SLC39A10: variants seen among roughly 807,000 people sequenced by gnomAD.
The protein encoded by SLC39A10 is zinc transporter ZIP10.
Under a neutral mutation model 65.1 loss-of-function variants are expected in SLC39A10, and 13 were observed. That is an observed-to-expected ratio of 0.20 (90% CI 0.13 to 0.32). SLC39A10 has a LOEUF of 0.32. Ranked by LOEUF, SLC39A10 falls within the 10% of genes least tolerant of loss-of-function variation. The probability of loss-of-function intolerance (pLI) is 1.00; values close to 1 mark genes in which losing one functional copy is unlikely to be tolerated. For missense variants in SLC39A10, 831 were observed against 1,018.4 expected (o/e 0.82, Z 2.50); for synonymous variants, 321 against 342.2 (o/e 0.94, Z 0.68).
intron 2 of SLC39A10, among the ~76,000 whole-genome samples, chr2:195,650,741 T>C (rs904133140): frequency 1.3e-5 from 2 of 152,146 alleles, no homozygotes; most frequent in African/African-American, 4.8e-5. Context: ...AAACTCGGTT[T>C]TATTGCACAA....
At chr2:195,713,748 A>T (rs1691680976) in intron 6 of SLC39A10, among the ~76,000 whole-genome samples, 195 bp downstream of exon 6, 3 of 152,202 alleles carry the variant, frequency 2.0e-5, no homozygotes, top group African/African-American at 7.2e-5. Flanking sequence ...TTACTGATAG[A>T]TGCAAAGCCA....
At chr2:195,662,429 C>T (rs1215365619) in intron 1 of SLC39A10, among the ~76,000 whole-genome samples, 1 of 151,938 alleles carries the variant, frequency 6.6e-6, no homozygotes, top group South Asian at 2.1e-4. Flanking sequence ...TGCCACCATG[C>T]CTAGCTAATG....
At chr2:195,702,692 T>C (rs1280142608) in intron 3 of SLC39A10, among the ~76,000 whole-genome samples, 4 of 152,366 alleles carry the variant, frequency 2.6e-5, no homozygotes, top group East Asian at 1.9e-4. Flanking sequence ...AAAGAAATAC[T>C]TTAGCATCCT....
chr2:195,615,842 A>G (rs1258812092), intron 2 of SLC39A10, among the ~76,000 whole-genome samples: 1 of 152,220 alleles, frequency 6.6e-6, no homozygotes. Flanking sequence ...ACTTCGCTCT[A>G]AATCCTATAC....
intron 2 of SLC39A10, among the ~76,000 whole-genome samples, chr2:195,623,193 GTAGAA>G: frequency 6.6e-6 from 1 of 152,196 alleles, no homozygotes; most frequent in South Asian, 2.1e-4. Flanking sequence ...TCCCTTCAAA[GTAGAA>G]TTTCAGATCC....
At chr2:195,672,715 C>T (rs1689916041) in intron 1 of SLC39A10, among the ~76,000 whole-genome samples, 1 of 152,136 alleles carries the variant, frequency 6.6e-6, no homozygotes, top group Non-Finnish European at 1.5e-5. Context: ...TTCGTGGAGT[C>T]ATTCATTTGA....
intron 1 of SLC39A10, among the ~76,000 whole-genome samples, chr2:195,663,188 A>G (rs749158467): frequency 4.6e-5 from 7 of 152,090 alleles, no homozygotes; most frequent in East Asian, 1.9e-4. Context: ...TATGCCGCCT[A>G]TGTCTCATGT....
chr2:195,673,226 G>C (rs1310928609), intron 1 of SLC39A10, among the ~76,000 whole-genome samples: 1 of 152,054 alleles, frequency 6.6e-6, no homozygotes, highest in African/African-American at 2.4e-5. Context: ...GCCCAGGCTG[G>C]AGTGCAGTGG....
At chr2:195,690,174 A>G (rs60786228) in intron 3 of SLC39A10, among the ~76,000 whole-genome samples, 4,420 of 16,714 alleles carry the variant, frequency 0.26, 119 homozygotes, top group Middle Eastern at 0.42. Context: ...AGACTCTCTG[A>G]AAAAAAAAAA....
chr2:195,718,360 A>G, intron 8 of SLC39A10, 28 bp downstream of exon 8: 1 of 1,528,434 alleles, frequency 6.5e-7, no homozygotes, highest in Non-Finnish European at 9.0e-7. Flanking sequence ...ATTTTACCAG[A>G]TTTCATCAAA....
At chr2:195,617,552 A>T (rs1158214982) in intron 2 of SLC39A10, among the ~76,000 whole-genome samples, 2 of 151,700 alleles carry the variant, frequency 1.3e-5, no homozygotes, top group Admixed American at 1.3e-4. Context: ...ACAGAGAGAG[A>T]CACCGTCTCA....
At chr2:195,653,216 T>C (rs1005554303), upstream of SLC39A10, among the ~76,000 whole-genome samples, 7 of 152,230 alleles carry the variant, frequency 4.6e-5, no homozygotes, top group African/African-American at 1.7e-4. Flanking sequence ...TCTGTCATGT[T>C]GGTATCATTG....
chr2:195,613,037 AAAG>A (rs1267052097), intron 2 of SLC39A10, among the ~76,000 whole-genome samples: 5 of 152,192 alleles, frequency 3.3e-5, no homozygotes, highest in Admixed American at 6.5e-5. Context: ...CCATTCATTC[AAAG>A]AAGGGAAAGA....
intron 1 of SLC39A10, among the ~76,000 whole-genome samples, chr2:195,669,139 A>C (rs1689751019): frequency 6.6e-6 from 1 of 151,428 alleles, no homozygotes. Context: ...GGATTATTTT[A>C]GTATTTATCT....
rs1301993908 is a variant in SLC39A10 at position 195,717,013 on chromosome 2, GACTGGAAACC to G, written c.2065+13_2065+22del. The G allele has an allele frequency of 1.2e-6, 2 of 1,610,994 alleles. No homozygotes were observed. Among genetic ancestry groups the G allele is most frequent in the Admixed American group, 3.3e-5 (2 of 59,838 alleles). On this transcript the variant is annotated intron_variant, in intron 7 of 9. Coordinates refer to ENST00000359634, the MANE Select transcript of SLC39A10 (RefSeq NM_020342.3). ...GTGATGGGCTCGCAATTGGTAAGTG[GACTGGAAACC>G]ACTGTCTATGCTAATCTTATGGACT...
chr2:195,631,892 A>C (rs1436303785), intron 2 of SLC39A10, among the ~76,000 whole-genome samples: 1 of 151,842 alleles, frequency 6.6e-6, no homozygotes, highest in Non-Finnish European at 1.5e-5. Context: ...TTTATTATTA[A>C]TTTATTTATT....
rs552708022 is a variant in SLC39A10, at chr2:195,626,684, G to A, written c.-12+20451G>A. Among the ~76,000 whole-genome samples, 61 of 152,258 alleles carry A rather than the reference G, an allele frequency of 4.0e-4. 1 individual carries two copies. The South Asian group carries it at 8.5e-3, about 21-fold the overall frequency. ...CCAAACCACCTATCTAGCTTTTAGG[G>A]AAGACCTCAGGCGTTTCTACTGCAG... On this transcript the variant is annotated intron_variant, in intron 2 of 2. Transcript: ENST00000458054.
intron 2 of SLC39A10, among the ~76,000 whole-genome samples, chr2:195,650,747 C>T (rs1446605018): frequency 6.6e-6 from 1 of 152,088 alleles, no homozygotes; most frequent in Non-Finnish European, 1.5e-5. Flanking sequence ...GGTTTTATTG[C>T]ACAAGCCTAC....
chr2:195,683,454 A>G (rs140553970), intron 2 of SLC39A10, among the ~76,000 whole-genome samples: 1 of 152,220 alleles, frequency 6.6e-6, no homozygotes, highest in East Asian at 1.9e-4. Flanking sequence ...TCCATGACAG[A>G]AAGTCATTAT....
Sources: gnomAD v4.1 joint callset for allele counts (sites outside exome capture counted in the v4.1 genomes callset) on GRCh38, gnomAD v4.1.1 for gene constraint, MANE v1.5 for transcripts, NCBI Gene and HGNC (gene_info 2026-07-23, HGNC 2026-07-21) for gene names.